Variants in GLG1 observed in about 807,000 individuals in gnomAD.
GLG1 encodes Golgi apparatus protein 1.
A neutral mutation model predicts 160.5 loss-of-function variants in GLG1; 38 were observed. The observed-to-expected ratio is 0.24, with a 90% CI of 0.18 to 0.31. GLG1 has a LOEUF of 0.31. GLG1 is among the 10% of genes least tolerant of loss of function. The pLI is 1.00. For synonymous variants in GLG1, 644 were observed against 543.4 expected (o/e 1.19, Z -2.57); for missense variants, 1,373 against 1,505.2 (o/e 0.91, Z 1.45).
At chr16:74,522,576 T>G (rs2017201292) in intron 2 of GLG1, among the ~76,000 whole-genome samples, 1 of 152,250 alleles carries the variant, frequency 6.6e-6, no homozygotes, top group Admixed American at 6.5e-5. Context: ...TTTTCTTTGT[T>G]GCTCTGTGTG....
At position 74,450,250 on chromosome 16, in the gene GLG1, A is replaced by G. The variant is rs770190697; in HGVS notation, c.*2917T>C. 3 of 152,290 alleles carry G rather than the reference A, an allele frequency of 2.0e-5. No individual in the cohort carries two copies. The highest frequency in any genetic ancestry group is 4.4e-5 in the Non-Finnish European group (3 of 68,098). The allele number at this position is 152,290 out of a possible 1,614,324, so 9.4% of individuals were successfully genotyped here. A position where few individuals can be genotyped will look rare whatever the true frequency, so the allele number is the denominator to read the frequency against. ...ACAGGCCAGAGTCCATCATCCACTC[A>G]CATCCACAGAAGGGTCATTGTTTCT... On this transcript the variant is annotated 3_prime_UTR_variant, in exon 26 of 26. Transcript: ENST00000422840.
chr16:74,524,550 A>G (rs965011420), intron 2 of GLG1, among the ~76,000 whole-genome samples: 1 of 149,838 alleles, frequency 6.7e-6, no homozygotes, highest in Non-Finnish European at 1.5e-5. Context: ...TTTTTTTTTT[A>G]AAGTCCTTAT....
At chr16:74,588,971 G>A (rs1012336639) in intron 1 of GLG1, among the ~76,000 whole-genome samples, 30 of 151,748 alleles carry the variant, frequency 2.0e-4, no homozygotes, top group Middle Eastern at 3.4e-3. Context: ...GCCGGGCATG[G>A]TGGCTCATGC....
At chr16:74,578,725 GCA>G (rs961313854) in intron 1 of GLG1, among the ~76,000 whole-genome samples, 2 of 152,116 alleles carry the variant, frequency 1.3e-5, no homozygotes, top group Non-Finnish European at 2.9e-5. Context: ...AAGGCTGAAT[GCA>G]CACACAAAAA....
intron 2 of GLG1, among the ~76,000 whole-genome samples, chr16:74,516,796 T>C (rs1425083103): frequency 1.3e-5 from 2 of 151,756 alleles, no homozygotes; most frequent in South Asian, 2.1e-4. Flanking sequence ...ATCAACAAAA[T>C]AGATAGACTG....
At chr16:74,490,940 G>A (rs1280218108) in intron 8 of GLG1, 61 bp downstream of exon 8, 6 of 1,175,678 alleles carry the variant, frequency 5.1e-6, no homozygotes, top group Non-Finnish European at 6.4e-6. Flanking sequence ...GACAGCATCA[G>A]GAAGAGGCTC....
Position 74,452,230 on chromosome 16 carries a change from C to A in GLG1, c.*937G>T. The A allele has an allele frequency of 2.6e-6, 4 of 1,544,404 alleles. No homozygotes were observed. The highest frequency in any genetic ancestry group is 3.5e-6 in the Non-Finnish European group (4 of 1,145,698). On this transcript the variant is annotated 3_prime_UTR_variant, in exon 26 of 26. Transcript: ENST00000422840. The stretch of plus-strand genomic sequence containing the variant: ...AAGGACCCCTCCCGCCACAGTCCTG[C>A]CTCCTGATGAAGCGCAGAGCTTCCA...
Position 74,606,706 on chromosome 16 carries a change from G to T in GLG1, c.389C>A (p.Thr130Asn). The T allele has an allele frequency of 1.9e-6, 3 of 1,609,382 alleles. No individual in the cohort carries two copies. The highest frequency in any genetic ancestry group is 1.1e-5 in the South Asian group (1 of 90,782). ...EDVTRVCPKH[T>N]WSNNLAVLEC... ...GAGCACCGCCAGGTTGTTGCTCCAG[G>T]TGTGCTTAGGGCACACGCGGGTCAC... is the stretch of plus-strand genomic sequence containing the variant. Residue 130 changes from threonine to asparagine, a missense_variant, in exon 1 of 26, where the codon ACC becomes AAC. Coordinates refer to ENST00000422840, the MANE Select transcript of GLG1 (RefSeq NM_001145667.2).
At chr16:74,520,421 G>C (rs1166333644) in intron 2 of GLG1, among the ~76,000 whole-genome samples, 1 of 152,150 alleles carries the variant, frequency 6.6e-6, no homozygotes, top group East Asian at 1.9e-4. Flanking sequence ...TGGATTACCT[G>C]AGGTCAGGAG....
chr16:74,525,401 G>A (rs2017303071), intron 2 of GLG1, among the ~76,000 whole-genome samples: 1 of 152,156 alleles, frequency 6.6e-6, no homozygotes, highest in South Asian at 2.1e-4. Context: ...TAAAGAGACA[G>A]GGTCTCACTA....
intron 4 of GLG1, among the ~76,000 whole-genome samples, chr16:74,498,072 A>G (rs1392081802): frequency 1.3e-5 from 2 of 152,262 alleles, no homozygotes; most frequent in East Asian, 3.9e-4. Context: ...CCTAATCTAT[A>G]CTTACAAGAT....
At chr16:74,509,842 C>G (rs1047077925) in intron 2 of GLG1, among the ~76,000 whole-genome samples, 1 of 147,444 alleles carries the variant, frequency 6.8e-6, no homozygotes, top group African/African-American at 2.5e-5. Context: ...GAGCAAGACT[C>G]TGTCTCAAAA....
chr16:74,511,583 T>C (rs868011898), intron 2 of GLG1, among the ~76,000 whole-genome samples: 2 of 116,500 alleles, frequency 1.7e-5, no homozygotes, highest in African/African-American at 6.0e-5. Context: ...ACCTTTTTTT[T>C]TTAAAAAAAA....
intron 2 of GLG1, among the ~76,000 whole-genome samples, chr16:74,517,108 G>A (rs907963420): frequency 2.0e-5 from 3 of 152,122 alleles, no homozygotes; most frequent in Non-Finnish European, 2.9e-5. Context: ...ACTCACGGCC[G>A]AATTCTACCA....
At chr16:74,541,610 A>G (rs1211707526) in intron 1 of GLG1, among the ~76,000 whole-genome samples, 1 of 152,238 alleles carries the variant, frequency 6.6e-6, no homozygotes, top group African/African-American at 2.4e-5. Flanking sequence ...AAAGTTATGT[A>G]GAAGGCCTTC....
chr16:74,478,131 G>A (rs1249716187), intron 11 of GLG1, among the ~76,000 whole-genome samples: 2 of 152,108 alleles, frequency 1.3e-5, no homozygotes, highest in African/African-American at 2.4e-5. Context: ...TGATAAAAGT[G>A]AACTGGCTTC....
chr16:74,523,494 A>T (rs935599903), intron 2 of GLG1, among the ~76,000 whole-genome samples: 1 of 152,130 alleles, frequency 6.6e-6, no homozygotes, highest in African/African-American at 2.4e-5. Flanking sequence ...TAAATATGGG[A>T]TTGCACAGAA....
intron 20 of GLG1, chr16:74,463,115 C>T: frequency 1.9e-6 from 1 of 528,922 alleles, no homozygotes; most frequent in Non-Finnish European, 3.3e-6. Context: ...GACTGCCGGC[C>T]TGATTCCTTC....
intron 4 of GLG1, among the ~76,000 whole-genome samples, chr16:74,500,924 T>G (rs996688151): frequency 2.6e-5 from 4 of 152,204 alleles, no homozygotes; most frequent in Non-Finnish European, 2.9e-5. Flanking sequence ...GAAAAAATCA[T>G]AGTTTTGAAA....
Sources: allele counts gnomAD v4.1 joint callset (sites outside exome capture counted in the v4.1 genomes callset), GRCh38; gene constraint gnomAD v4.1.1; transcripts MANE v1.5; gene names NCBI Gene and HGNC (gene_info 2026-07-23, HGNC 2026-07-21).